BCCIP: variants seen among roughly 807,000 people sequenced by gnomAD.
The protein encoded by BCCIP is BRCA2 and CDKN1A interacting protein.
Under a neutral mutation model 32.8 loss-of-function variants are expected in BCCIP, and 23 were observed. The observed-to-expected ratio is 0.70, with a 90% CI of 0.51 to 0.99. The LOEUF (loss-of-function observed/expected upper bound fraction) is 0.99, where lower values mean the gene tolerates loss of function less well. Among genes scored for constraint, BCCIP ranks in the 50% least tolerant of loss-of-function variants. The pLI is 0.00. For missense variants in BCCIP, 378 were observed against 379.8 expected, an observed-to-expected ratio of 1.00 and a Z score of 0.04; for synonymous variants, 144 against 137.6, an observed-to-expected ratio of 1.05 and a Z score of -0.33.
At chr10:125,852,303 C>G in intron 7 of BCCIP, 8 of 1,614,034 alleles carry the variant, frequency 5.0e-6, no homozygotes, top group Non-Finnish European at 6.8e-6. Context: ...CTGGTCTGTT[C>G]ATGAAGTCAC....
rs1854899020 is a variant in BCCIP, at chr10:125,842,128, G to C, written c.*769G>C. 5 of 720,466 alleles carry C rather than the reference G, an allele frequency of 6.9e-6. No homozygotes were observed. The East Asian group carries it at 1.7e-4, about 24-fold the overall frequency. The allele number at this position is 720,466 out of a possible 1,614,324, so 44.6% of individuals were successfully genotyped here. A position where few individuals can be genotyped will look rare whatever the true frequency, so the allele number is the denominator to read the frequency against. On this transcript the variant is annotated 3_prime_UTR_variant, in exon 7 of 7. Transcript: ENST00000299130. The stretch of plus-strand genomic sequence containing the variant: ...AGGGCAAACTCAGGAGGGGAGCCCT[G>C]TGATTGTCCAGCTCATGCTCCGAGG...
Position 125,831,426 on chromosome 10 carries a change from C to A in BCCIP, c.418C>A (p.Gln140Lys). The stretch of plus-strand genomic sequence containing the variant: ...CTTTCTCTTTGCTTTCTAGGGTACC[C>A]AGTGTGTTGAACAAATTCAAGAGTT... The part of the protein sequence containing the change: ...LLNLTERKGT[Q>K]CVEQIQELVL... Residue 140 changes from glutamine (Q) to lysine (K), a missense_variant, in exon 5 of 7, where the codon CAG (glutamine) becomes AAG (lysine). By Grantham distance (53) the Gln-to-Lys change is moderately conservative. Coordinates refer to ENST00000278100, the MANE Select transcript of BCCIP (RefSeq NM_078468.3). 1 of 1,613,394 alleles carries A rather than the reference C, an allele frequency of 6.2e-7. No individual in the cohort carries two copies. Among genetic ancestry groups the A allele is most frequent in the South Asian group, 1.1e-5 (1 of 91,046 alleles).
downstream of BCCIP, chr10:125,836,552 T>C (rs896284434): frequency 5.2e-6 from 7 of 1,334,796 alleles, no homozygotes; most frequent in Non-Finnish European, 6.9e-6. Context: ...TTTAAAATAA[T>C]ATACACAGTG....
At chr10:125,838,522 A>G (rs1295412749), downstream of BCCIP, 12 of 834,406 alleles carry the variant, frequency 1.4e-5, no homozygotes, top group Non-Finnish European at 2.1e-5. Context: ...CATGTTTCCT[A>G]CTTTCACATG....
At chr10:125,836,056 T>C (rs1308822271) in intron 6 of BCCIP, 48 bp from the exon 7 acceptor site, 1 of 1,527,352 alleles carries the variant, frequency 6.5e-7, no homozygotes, top group South Asian at 1.1e-5. Context: ...ATGGGTTTTG[T>C]CTTTGGGTTG....
chr10:125,853,223 G>C, exon 8 of BCCIP: 1 of 1,609,486 alleles, frequency 6.2e-7, no homozygotes. Context: ...CTTCATGACT[G>C]TTGGAATTGC....
intron 6 of BCCIP, among the ~76,000 whole-genome samples, chr10:125,835,582 A>G (rs900285675): frequency 1.5e-5 from 2 of 137,168 alleles, no homozygotes; most frequent in African/African-American, 2.8e-5. Flanking sequence ...CTGTCTCAAA[A>G]AAAAAAAACA....
chr10:125,827,726 T>C (rs1233989254), intron 3 of BCCIP, 88 bp downstream of exon 3: 2 of 1,026,556 alleles, frequency 1.9e-6, no homozygotes, highest in East Asian at 2.5e-5. Context: ...TCCCAGCACT[T>C]TGGGAAGCAA....
Position 125,832,152 on chromosome 10 carries a change from A to G in BCCIP, c.599+545A>G, listed in dbSNP as rs185494201. On this transcript the variant is annotated intron_variant, in intron 5 of 6. Coordinates refer to ENST00000278100, the MANE Select transcript of BCCIP (RefSeq NM_078468.3). The stretch of plus-strand genomic sequence containing the variant: ...AAGAATTGTATTGTCTGTGCTTTGC[A>G]ACAGAGGACAAAATATAGGCAGATT... Among the ~76,000 whole-genome samples, 30 of 152,318 alleles carry G rather than the reference A, an allele frequency of 2.0e-4. No homozygotes were observed. The East Asian group carries it at 4.8e-3, about 24-fold the overall frequency.
chr10:125,832,143 G>C (rs182203849), intron 5 of BCCIP, among the ~76,000 whole-genome samples: 31 of 152,076 alleles, frequency 2.0e-4, no homozygotes, highest in African/African-American at 7.5e-4. Flanking sequence ...TGTATTGTCT[G>C]TGCTTTGCAA....
rs1449289673 is a variant in BCCIP at position 125,828,244 on chromosome 10, G to A, written c.321+606G>A. Reference sequence around the variant, plus strand: ...TCCAGGTTTCTAGCTTGAGCAAACAGGATAACAAACATGGAGGAAGGTCAA... The same window carrying A: ...TCCAGGTTTCTAGCTTGAGCAAACAAGATAACAAACATGGAGGAAGGTCAA... On this transcript the variant is annotated intron_variant, in intron 3 of 6. Transcript: ENST00000278100. 7.9e-5 allele frequency among the ~76,000 whole-genome samples: 12 copies of A among 152,256 alleles called. No individual in the cohort carries two copies. In the East Asian group the frequency reaches 1.9e-3, roughly 24 times the overall value.
At chr10:125,834,573 C>T (rs1854605013) in intron 6 of BCCIP, among the ~76,000 whole-genome samples, 1 of 151,750 alleles carries the variant, frequency 6.6e-6, no homozygotes, top group African/African-American at 2.4e-5. Flanking sequence ...GAAGCTGAGG[C>T]GGGCAGATCA....
At chr10:125,843,181 T>C (rs1854928650), downstream of BCCIP, among the ~76,000 whole-genome samples, 1 of 152,140 alleles carries the variant, frequency 6.6e-6, no homozygotes, top group Non-Finnish European at 1.5e-5. Flanking sequence ...GGTTTTGTTT[T>C]AGTTCCAGTA....
downstream of BCCIP, among the ~76,000 whole-genome samples, chr10:125,847,306 C>T (rs939444613): frequency 3.0e-4 from 45 of 152,154 alleles, no homozygotes; most frequent in African/African-American, 8.2e-4. Flanking sequence ...TCTTAAGATA[C>T]CTCAGTTCCC....
chr10:125,853,167 C>T lies in BCCIP; in HGVS notation c.893C>T (p.Ala298Val), dbSNP rs751591143. Reference sequence around the variant, plus strand: ...GTGACAGCCCTGGTTTCTCTGAAGGCTGGACTAATTCAATCAAGATCAACT... The same window carrying T: ...GTGACAGCCCTGGTTTCTCTGAAGGTTGGACTAATTCAATCAAGATCAACT... The change falls in exon 8 of 8, where the codon GCT becomes GTT. Residue 298 changes from alanine (A) to valine (V), a missense_variant. Ala to Val is a moderately conservative substitution (Grantham distance 64). Transcript: ENST00000368759. The T allele has an allele frequency of 1.8e-5, 29 of 1,612,914 alleles. No individual in the cohort carries two copies. The African/African-American group carries it at 3.1e-4, about 17-fold the overall frequency.
At chr10:125,852,417 G>GTACATGACA in intron 7 of BCCIP, 1 of 1,614,148 alleles carries the variant, frequency 6.2e-7, no homozygotes, top group Non-Finnish European at 8.5e-7. Context: ...TGTCTTTGGA[G>GTACATGACA]GCAAATTCTT....
chr10:125,834,032 G>A, intron 6 of BCCIP, 86 bp downstream of exon 6: 1 of 1,446,182 alleles, frequency 6.9e-7, no homozygotes, highest in Non-Finnish European at 9.6e-7. Context: ...TCCCACTTTA[G>A]GTCCAAGTCT....
chr10:125,837,531 G>A (rs1854732727), downstream of BCCIP, among the ~76,000 whole-genome samples: 2 of 152,238 alleles, frequency 1.3e-5, no homozygotes, highest in African/African-American at 4.8e-5. Context: ...GGGCTCAAGC[G>A]ATCCTCTGTC....
At chr10:125,841,137 T>C, downstream of BCCIP, 1 of 1,381,838 alleles carries the variant, frequency 7.2e-7, no homozygotes, top group Non-Finnish European at 9.9e-7. Context: ...TCTTGTTTAC[T>C]TAGAAATCCC....
Sources: allele counts gnomAD v4.1 joint callset (sites outside exome capture counted in the v4.1 genomes callset), GRCh38; gene constraint gnomAD v4.1.1; transcripts MANE v1.5; gene names NCBI Gene and HGNC (gene_info 2026-07-23, HGNC 2026-07-21).